HAUS6: variants seen among roughly 807,000 people sequenced by gnomAD.
HAUS6 encodes the protein HAUS augmin-like complex subunit 6.
HAUS6 carries 80 observed loss-of-function variants against 106.8 expected under a neutral mutation model. That is an observed-to-expected ratio of 0.75 (90% confidence interval 0.63 to 0.90). The LOEUF is 0.90. Among genes scored for constraint, HAUS6 ranks in the 40% least tolerant of loss-of-function variants. The pLI, the probability that HAUS6 is intolerant of heterozygous loss-of-function variation, is 0.00. For synonymous variants in HAUS6, 356 were observed against 379.1 expected (o/e 0.94, Z 0.71); for missense variants, 1,155 against 1,118.1 (o/e 1.03, Z -0.47).
rs897476874 is a variant in HAUS6, at chr9:19,096,688, G to A, written c.210C>T (p.Thr70=). 8.2e-6 allele frequency: 12 copies of A among 1,455,952 alleles called. No homozygotes were observed. The highest frequency in any genetic ancestry group is 1.0e-5 in the Non-Finnish European group (11 of 1,065,512). The allele number at this position is 1,455,952 out of a possible 1,614,324, so 90.2% of individuals were successfully genotyped here. A position where few individuals can be genotyped will look rare whatever the true frequency, so the allele number is the denominator to read the frequency against. The change falls in exon 2 of 17, where the codon ACC becomes ACT. Residue 70 remains threonine (T), a synonymous_variant. Coordinates refer to ENST00000380502, the MANE Select transcript of HAUS6 (RefSeq NM_017645.5). ...TTTTTCCTTACTTGAAAACTTCTTT[G>A]GTGAGAGACTGGTCCAGAACTTGAA... ...FLFQVLDQSL[T]KEVFKFCWPP... is the part of the protein sequence containing the mutation.
Position 19,102,656 on chromosome 9 carries a change from G to T in HAUS6, c.-5C>A. On this transcript the variant is annotated 5_prime_UTR_variant, in exon 1 of 17. Coordinates refer to ENST00000380502, the MANE Select transcript of HAUS6 (RefSeq NM_017645.5). Reference sequence around the variant, plus strand: ...GGTGACCGAGGCCGAGCTCATCCTCGCGGTAGGCACGGTGGCTGCAAAGAA... The same window carrying T: ...GGTGACCGAGGCCGAGCTCATCCTCTCGGTAGGCACGGTGGCTGCAAAGAA... The T allele has an allele frequency of 4.3e-6, 7 of 1,610,536 alleles. No homozygotes were observed. The highest frequency in any genetic ancestry group is 5.9e-6 in the Non-Finnish European group (7 of 1,178,196).
In HAUS6 at chr9:19,096,709, T is replaced by G; in HGVS notation, c.189A>C (p.Gln63His). ...AFHIISYFLF[Q>H]VLDQSLTKEV... ...CTTTGGTGAGAGACTGGTCCAGAAC[T>G]TGAAACAAAAAATAAGAAATTATAT... Residue 63 changes from glutamine to histidine, a missense_variant, in exon 2 of 17, where the codon CAA becomes CAC. This residue lies in a region of HAUS6 where 761 missense variants were observed against 690.0 expected (regional missense o/e 1.10). Coordinates refer to ENST00000380502, the MANE Select transcript of HAUS6 (RefSeq NM_017645.5). 4 of 1,555,208 alleles carry G rather than the reference T, an allele frequency of 2.6e-6. No homozygotes were observed. The highest frequency in any genetic ancestry group is 3.5e-6 in the Non-Finnish European group (4 of 1,143,304).
Position 19,054,165 on chromosome 9 carries a change from T to C in HAUS6, c.*2178A>G, listed in dbSNP as rs1264343971. The C allele has an allele frequency of 6.6e-6, 1 of 152,120 alleles. No individual in the cohort carries two copies. Among genetic ancestry groups the C allele is most frequent in the Admixed American group, 6.5e-5 (1 of 15,268 alleles). The allele number at this position is 152,120 out of a possible 1,614,324, so 9.4% of individuals were successfully genotyped here. A position where few individuals can be genotyped will look rare whatever the true frequency, so the allele number is the denominator to read the frequency against. The stretch of plus-strand genomic sequence containing the variant: ...GTATTCCTGCTTCAGGAAAATTGTA[T>C]ATCAAGACCTCTAAAGACCCATGCT... On this transcript the variant is annotated 3_prime_UTR_variant, in exon 17 of 17. Transcript: ENST00000380502.
intron 1 of HAUS6, among the ~76,000 whole-genome samples, chr9:19,100,443 T>C (rs1245607068): frequency 2.6e-5 from 4 of 152,194 alleles, no homozygotes; most frequent in African/African-American, 4.8e-5. Flanking sequence ...TACAAGATGG[T>C]GGATCCTGCA....
intron 12 of HAUS6, among the ~76,000 whole-genome samples, chr9:19,069,604 G>A (rs1309453117): frequency 1.3e-5 from 2 of 152,050 alleles, no homozygotes; most frequent in Admixed American, 1.3e-4. Context: ...GAACCCAGGA[G>A]GGGAACTATT....
intron 14 of HAUS6, 21 bp from the exon 15 acceptor site, chr9:19,060,244 T>G (rs756575662): frequency 1.3e-6 from 2 of 1,505,484 alleles, no homozygotes; most frequent in South Asian, 2.7e-5. Context: ...AAAGAAAAAG[T>G]AAAGCAAAGA....
rs1328143432 is a variant in HAUS6, at chr9:19,058,076, G to A, written c.2691C>T (p.Arg897=). 1.2e-6 allele frequency: 2 copies of A among 1,613,976 alleles called. No individual in the cohort carries two copies. ...LHTEHIKPSL[R]TSIGERKRSL... is the part of the protein sequence containing the mutation. ...ACCGTTTTCTTTCACCGATGGACGT[G>A]CGTAAAGATGGCTTTATATGCTCAG... The change falls in exon 16 of 17, where the codon CGC becomes CGT. Residue 897 remains arginine (R), a synonymous_variant. Coordinates refer to ENST00000380502, the MANE Select transcript of HAUS6 (RefSeq NM_017645.5).
At chr9:19,095,205 G>C (rs548233360) in intron 2 of HAUS6, among the ~76,000 whole-genome samples, 1 of 151,708 alleles carries the variant, frequency 6.6e-6, no homozygotes, top group Admixed American at 6.6e-5. Context: ...ACATTAAAAA[G>C]AGAAGTTTTG....
At chr9:19,094,047 T>C (rs761882534) in intron 3 of HAUS6, among the ~76,000 whole-genome samples, 28 of 152,182 alleles carry the variant, frequency 1.8e-4, no homozygotes, top group Non-Finnish European at 7.3e-5. Flanking sequence ...TAATATACGG[T>C]TGGAAAAGTT....
chr9:19,077,124 G>A (rs1196170799), intron 10 of HAUS6, among the ~76,000 whole-genome samples: 1 of 152,146 alleles, frequency 6.6e-6, no homozygotes, highest in Non-Finnish European at 1.5e-5. Context: ...GATGACATGT[G>A]TGAGCCACCA....
chr9:19,102,483 C>A (rs1329925401), intron 1 of HAUS6, 41 bp downstream of exon 1: 5 of 1,600,352 alleles, frequency 3.1e-6, no homozygotes, highest in Non-Finnish European at 4.3e-6. Flanking sequence ...CGGCGTCCCC[C>A]GGTTCAGGCT....
intron 2 of HAUS6, among the ~76,000 whole-genome samples, chr9:19,094,894 G>A (rs922358955): frequency 6.6e-6 from 1 of 152,062 alleles, no homozygotes; most frequent in African/African-American, 2.4e-5. Context: ...AACATCTATA[G>A]GGTTGAGTTC....
At chr9:19,084,938 TTC>T (rs1157808810) in intron 7 of HAUS6, among the ~76,000 whole-genome samples, 1 of 152,098 alleles carries the variant, frequency 6.6e-6, no homozygotes, top group African/African-American at 2.4e-5. Context: ...TCTTTTTTTT[TTC>T]TTTTTTAAGA....
chr9:19,081,850 A>C (rs983554565), intron 8 of HAUS6, among the ~76,000 whole-genome samples: 2 of 149,024 alleles, frequency 1.3e-5, no homozygotes, highest in Non-Finnish European at 3.0e-5. Flanking sequence ...GGATCATTTG[A>C]GGTCAGGAGC....
At chr9:19,083,775 C>T (rs34442638) in intron 7 of HAUS6, among the ~76,000 whole-genome samples, 2 of 148,344 alleles carry the variant, frequency 1.3e-5, no homozygotes, top group African/African-American at 5.0e-5. Context: ...GCACTCCAGC[C>T]TAGGGGACAG....
intron 11 of HAUS6, chr9:19,074,004 T>C (rs979680909): frequency 1.3e-5 from 2 of 152,124 alleles, no homozygotes; most frequent in Admixed American, 6.5e-5. Flanking sequence ...TCCCAGCACT[T>C]TGGGAGGCTA....
At chr9:19,101,058 TTGTG>T (rs1210020421) in intron 1 of HAUS6, among the ~76,000 whole-genome samples, 4 of 152,332 alleles carry the variant, frequency 2.6e-5, no homozygotes, top group Middle Eastern at 6.8e-3. Context: ...AAATAATTTA[TTGTG>T]TATTTTAAAA....
Position 19,059,892 on chromosome 9 carries a change from T to C in HAUS6, c.1765+196A>G, listed in dbSNP as rs140435081. On this transcript the variant is annotated intron_variant, in intron 15 of 16. Coordinates refer to ENST00000380502, the MANE Select transcript of HAUS6 (RefSeq NM_017645.5). ...GTACATTATCAAAATTTTATATCTCTGTATATTGAGTACACTGAAGGCACA... is the reference window on the plus strand; with the variant it reads ...GTACATTATCAAAATTTTATATCTCCGTATATTGAGTACACTGAAGGCACA... The C allele has an allele frequency of 4.6e-3, 2,005 of 437,722 alleles. 33 individuals are homozygous for C. Among genetic ancestry groups the C allele is most frequent in the African/African-American group, 0.036 (1,801 of 49,492 alleles). 27.1% of individuals were successfully genotyped at this position (437,722 alleles called of 1,614,324 possible).
intron 7 of HAUS6, among the ~76,000 whole-genome samples, chr9:19,085,702 G>C (rs1269386427): frequency 1.3e-5 from 2 of 151,172 alleles, no homozygotes; most frequent in Non-Finnish European, 2.9e-5. Flanking sequence ...TCATTTGTCA[G>C]AATCCTCCCT....
Sources: allele counts gnomAD v4.1 joint callset (sites outside exome capture counted in the v4.1 genomes callset), GRCh38; gene constraint gnomAD v4.1.1; regional missense constraint gnomAD v4.1.1; transcripts MANE v1.5; gene names NCBI Gene and HGNC (gene_info 2026-07-23, HGNC 2026-07-21).